Variants in FRMPD3 observed in about 807,000 individuals in gnomAD.
FRMPD3 encodes the protein FERM and PDZ domain-containing protein 3.
A neutral mutation model predicts 97.9 loss-of-function variants in FRMPD3; 42 were observed. That is an observed-to-expected ratio of 0.43 (90% CI 0.34 to 0.55). The LOEUF is 0.55. Ranked by LOEUF, FRMPD3 falls within the 20% of genes least tolerant of loss-of-function variation. The pLI is 0.03. For missense variants in FRMPD3, 1,303 were observed against 1,457.7 expected, an observed-to-expected ratio of 0.89 and a Z score of 1.73; for synonymous variants, 577 against 581.1, an observed-to-expected ratio of 0.99 and a Z score of 0.10.
At chrX:107,530,685 G>A (rs1762595615) in intron 3 of FRMPD3, among the ~76,000 whole-genome samples, 174 bp downstream of exon 3, 1 of 110,905 alleles carries the variant, frequency 9.0e-6, no homozygotes, top group Non-Finnish European at 1.9e-5. Flanking sequence ...TTCAGGGTCA[G>A]CAGGAGCCTT....
chrX:107,535,673 A>G (rs1409981176), intron 4 of FRMPD3, among the ~76,000 whole-genome samples: 34 of 84,871 alleles, frequency 4.0e-4, no homozygotes, highest in African/African-American at 2.0e-3. Context: ...ACTCCATCTC[A>G]AAAAAAAAAA....
chrX:107,545,977 GAA>G, intron 5 of FRMPD3, 136 bp downstream of exon 5: 2 of 474,974 alleles, frequency 4.2e-6, no homozygotes, highest in Non-Finnish European at 7.3e-6. Context: ...GCTGGAGGGG[GAA>G]AAGTAGTGAG....
chrX:107,529,692 C>T (rs1922850640), intron 2 of FRMPD3, among the ~76,000 whole-genome samples: 1 of 112,058 alleles, frequency 8.9e-6, no homozygotes, highest in African/African-American at 3.2e-5. Flanking sequence ...AGTGGCATTT[C>T]TCAGTGTAGA....
At chrX:107,575,177 A>T in intron 12 of FRMPD3, among the ~76,000 whole-genome samples, 1 of 112,546 alleles carries the variant, frequency 8.9e-6, no homozygotes, top group East Asian at 2.8e-4. Context: ...TGGGTTAACA[A>T]CAACAACAAC....
At chrX:107,566,746 T>G (rs1296009845) in intron 12 of FRMPD3, among the ~76,000 whole-genome samples, 1 of 113,105 alleles carries the variant, frequency 8.8e-6, no homozygotes, top group African/African-American at 3.2e-5. Flanking sequence ...TATTTATTTT[T>G]TTCAGTTTCC....
Position 107,467,023 on chromosome X carries a change from TGA to T in FRMPD3, c.-8+17035_-8+17036del, listed in dbSNP as rs1556151770. 5.8e-4 allele frequency among the ~76,000 whole-genome samples: 57 copies of T among 98,253 alleles called. No individual in the cohort carries two copies. In the South Asian group the frequency reaches 6.0e-3, roughly 10 times the overall value. The allele number at this position is 98,253 out of a possible 115,157, so 85.3% of individuals were successfully genotyped here. On this transcript the variant is annotated intron_variant, in intron 1 of 14. Coordinates refer to ENST00000683843, the MANE Select transcript of FRMPD3 (RefSeq NM_001388459.1). ...GTGTGTGTGTGTGTGTGTGTGTGTG[TGA>T]GAGAGAGAGAGAGAGAAAGAGAGAG... is the stretch of plus-strand genomic sequence containing the variant.
Position 107,558,057 on chromosome X carries a change from C to T in FRMPD3, c.763-2200C>T, listed in dbSNP as rs1027122607. ...TCACCATGATAATTTCTACCAAAACCTGCTGTGATTTGGATTAGGATTGTG... is the reference window on the plus strand; with the variant it reads ...TCACCATGATAATTTCTACCAAAACTTGCTGTGATTTGGATTAGGATTGTG... On this transcript the variant is annotated intron_variant, in intron 8 of 14. Transcript: ENST00000683843. Among the ~76,000 whole-genome samples the T allele has an allele frequency of 2.8e-5, 3 of 107,543 alleles. No homozygotes were observed. In the Admixed American group the frequency reaches 3.1e-4, roughly 11 times the overall value. The allele number at this position is 107,543 out of a possible 115,157, so 93.4% of individuals were successfully genotyped here.
intron 1 of FRMPD3, among the ~76,000 whole-genome samples, chrX:107,522,874 G>A (rs951613250): frequency 1.8e-5 from 2 of 108,833 alleles, no homozygotes; most frequent in Non-Finnish European, 3.8e-5. Flanking sequence ...CATACTTTGG[G>A]GCAAATAACA....
chrX:107,453,725 C>T (rs1049249457), intron 1 of FRMPD3, among the ~76,000 whole-genome samples: 4 of 111,440 alleles, frequency 3.6e-5, no homozygotes, highest in African/African-American at 1.3e-4. Flanking sequence ...CTCAGCTGAG[C>T]TGCCAAAGGC....
chrX:107,594,763 C>A (rs1056437568), intron 13 of FRMPD3, among the ~76,000 whole-genome samples: 1 of 111,377 alleles, frequency 9.0e-6, no homozygotes, highest in Non-Finnish European at 1.9e-5. Context: ...TGCTTATAAT[C>A]CCAGCTACTT....
intron 1 of FRMPD3, among the ~76,000 whole-genome samples, chrX:107,467,636 G>A (rs1452931069): frequency 9.0e-6 from 1 of 111,244 alleles, no homozygotes; most frequent in East Asian, 2.8e-4. Flanking sequence ...ATTAAGGTTA[G>A]GAAATGGGTT....
At chrX:107,598,544 G>GT (rs1251890939) in intron 14 of FRMPD3, among the ~76,000 whole-genome samples, 6 of 111,937 alleles carry the variant, frequency 5.4e-5, no homozygotes, top group Non-Finnish European at 1.1e-4. Context: ...CTAGTGACCT[G>GT]GGACCAGGGG....
At position 107,602,468 on chromosome X, in the gene FRMPD3, C is replaced by A. The variant is rs772906595; in HGVS notation, c.4429C>A (p.Arg1477=). The change falls in exon 15 of 15, where the codon CGG becomes AGG. Residue 1477 remains arginine (R), a synonymous_variant. Transcript: ENST00000683843. Reference sequence around the variant, plus strand: ...GTTCTCACTGCCCGAGGAGGTGTACCGGAAGCCTGCCGAGCTAGACGAGGA... The same window carrying A: ...GTTCTCACTGCCCGAGGAGGTGTACAGGAAGCCTGCCGAGCTAGACGAGGA... ...AVFSLPEEVY[R]KPAELDEDSE... 3 of 1,211,240 alleles carry A rather than the reference C, an allele frequency of 2.5e-6. 1 individual carries two copies. In the Admixed American group the frequency reaches 6.5e-5, roughly 26 times the overall value.
At chrX:107,488,451 C>T (rs1921563710) in intron 1 of FRMPD3, among the ~76,000 whole-genome samples, 1 of 112,559 alleles carries the variant, frequency 8.9e-6, no homozygotes, top group African/African-American at 3.2e-5. Flanking sequence ...TCTTTGTGTA[C>T]TTGTGGGTGT....
At chrX:107,567,127 A>G (rs1988794340) in intron 12 of FRMPD3, among the ~76,000 whole-genome samples, 1 of 111,528 alleles carries the variant, frequency 9.0e-6, no homozygotes, top group South Asian at 3.8e-4. Flanking sequence ...TGCCTATCTC[A>G]AAAGGTTTTT....
chrX:107,548,636 A>G (rs888848553), intron 5 of FRMPD3, among the ~76,000 whole-genome samples: 4 of 112,867 alleles, frequency 3.5e-5, no homozygotes, highest in South Asian at 7.3e-4. Flanking sequence ...CTTCAAAAAT[A>G]TGATAAAGGT....
chrX:107,457,801 A>G lies in FRMPD3; in HGVS notation c.-8+7796A>G, dbSNP rs746193254. On this transcript the variant is annotated intron_variant, in intron 1 of 14. Coordinates refer to ENST00000683843, the MANE Select transcript of FRMPD3 (RefSeq NM_001388459.1). Reference sequence around the variant, plus strand: ...GAACTACTCTCAGCTCCATCCCATCATACCCTCCTTCATAAAGGCTTTTCT... The same window carrying G: ...GAACTACTCTCAGCTCCATCCCATCGTACCCTCCTTCATAAAGGCTTTTCT... Among the ~76,000 whole-genome samples the G allele has an allele frequency of 1.2e-4, 13 of 112,026 alleles. No homozygotes were observed. In the South Asian group the frequency reaches 4.9e-3, roughly 42 times the overall value.
At position 107,601,834 on chromosome X, in the gene FRMPD3, C is replaced by T. The variant is rs774626278; in HGVS notation, c.3795C>T (p.Thr1265=). The T allele has an allele frequency of 1.4e-5, 17 of 1,208,935 alleles. No individual in the cohort carries two copies. The highest frequency in any genetic ancestry group is 2.3e-4 in the Middle Eastern group (1 of 4,373). ...KPPSQGELPG[T]EYLQPPAPGR... ...CAAGCCAGGGGGAGCTGCCAGGCAC[C>T]GAGTACCTGCAACCTCCAGCACCTG... Residue 1265 remains threonine, a synonymous_variant, in exon 15 of 15, where the codon ACC becomes ACT. Coordinates refer to ENST00000683843, the MANE Select transcript of FRMPD3 (RefSeq NM_001388459.1).
At chrX:107,485,781 T>A (rs990532855) in intron 1 of FRMPD3, among the ~76,000 whole-genome samples, 3 of 110,659 alleles carry the variant, frequency 2.7e-5, no homozygotes, top group African/African-American at 9.9e-5. Context: ...AGGGCAGGAG[T>A]GGAAGGAAGC....
Sources: allele counts gnomAD v4.1 joint callset (sites outside exome capture counted in the v4.1 genomes callset), GRCh38; gene constraint gnomAD v4.1.1; transcripts MANE v1.5; gene names NCBI Gene and HGNC (gene_info 2026-07-23, HGNC 2026-07-21).